ALK: variants seen among roughly 807,000 people sequenced by gnomAD.
The protein encoded by ALK is ALK receptor tyrosine kinase.
In ALK, 74 loss-of-function variants were observed where a neutral mutation model predicts 163.1. The observed-to-expected ratio is 0.45, with a 90% CI of 0.38 to 0.55. The LOEUF (loss-of-function observed/expected upper bound fraction) is 0.55, where lower values mean the gene tolerates loss of function less well. ALK is among the 20% of genes least tolerant of loss of function. ALK has a pLI of 0.00. For synonymous variants in ALK, 960 were observed against 843.2 expected, an observed-to-expected ratio of 1.14 and a Z score of -2.40; for missense variants, 2,063 against 2,105.3, an observed-to-expected ratio of 0.98 and a Z score of 0.39.
intron 5 of ALK, among the ~76,000 whole-genome samples, chr2:29,358,502 A>C (rs561381737): frequency 1.1e-4 from 17 of 152,322 alleles, no homozygotes; most frequent in African/African-American, 3.8e-4. Context: ...GTCTCCAAAT[A>C]AGAACAAAAG....
At chr2:29,883,287 C>G (rs948688906) in intron 1 of ALK, among the ~76,000 whole-genome samples, 2 of 152,208 alleles carry the variant, frequency 1.3e-5, no homozygotes, top group Non-Finnish European at 2.9e-5. Context: ...TGAGGTCTGC[C>G]AGCCATTCCC....
At chr2:29,307,768 G>A (rs1666565138) in intron 8 of ALK, among the ~76,000 whole-genome samples, 1 of 152,220 alleles carries the variant, frequency 6.6e-6, no homozygotes, top group African/African-American at 2.4e-5. Flanking sequence ...CTGGCCAGAT[G>A]CAGATTTTTG....
At chr2:29,832,113 G>C (rs750570056) in intron 1 of ALK, among the ~76,000 whole-genome samples, 1 of 152,164 alleles carries the variant, frequency 6.6e-6, no homozygotes, top group Non-Finnish European at 1.5e-5. Context: ...CGTGGAAATG[G>C]ACAAACAAGA....
intron 5 of ALK, among the ~76,000 whole-genome samples, chr2:29,372,732 C>T (rs1454389623): frequency 6.6e-6 from 1 of 152,224 alleles, no homozygotes; most frequent in African/African-American, 2.4e-5. Context: ...TATCTTCTTT[C>T]CACTGTCCAT....
intron 1 of ALK, among the ~76,000 whole-genome samples, chr2:29,730,958 G>A (rs1431068445): frequency 1.3e-5 from 2 of 152,170 alleles, no homozygotes; most frequent in Non-Finnish European, 2.9e-5. Flanking sequence ...CCAGGGACAT[G>A]TCTACATGAC....
intron 3 of ALK, among the ~76,000 whole-genome samples, chr2:29,610,344 G>A (rs1675657250): frequency 1.3e-5 from 2 of 151,990 alleles, no homozygotes; most frequent in African/African-American, 4.8e-5. Flanking sequence ...ACTCCTTAAT[G>A]TATTGCATAC....
At chr2:29,570,847 C>T (rs2148190085) in intron 3 of ALK, among the ~76,000 whole-genome samples, 1 of 152,338 alleles carries the variant, frequency 6.6e-6, no homozygotes, top group Middle Eastern at 3.4e-3. Context: ...TTTTATTTAC[C>T]TGTTTCTGAG....
At chr2:29,426,694 A>C (rs1477276255) in intron 4 of ALK, among the ~76,000 whole-genome samples, 1 of 152,200 alleles carries the variant, frequency 6.6e-6, no homozygotes, top group African/African-American at 2.4e-5. Context: ...TGTAATTATA[A>C]AAGACTTTTT....
chr2:29,613,235 G>A (rs1319055903), intron 3 of ALK, among the ~76,000 whole-genome samples: 1 of 152,164 alleles, frequency 6.6e-6, no homozygotes, highest in Non-Finnish European at 1.5e-5. Context: ...CCACAAAGAA[G>A]CCGAGAGCTA....
At chr2:29,831,008 A>G (rs752959924) in intron 1 of ALK, among the ~76,000 whole-genome samples, 2,707 of 39,958 alleles carry the variant, frequency 0.068, 150 homozygotes, top group Non-Finnish European at 0.089. Flanking sequence ...AAGAAGAAGA[A>G]GAAGGGGAAG....
chr2:29,602,113 A>T (rs895057076), intron 3 of ALK, among the ~76,000 whole-genome samples: 3 of 152,166 alleles, frequency 2.0e-5, no homozygotes, highest in Admixed American at 6.5e-5. Context: ...AGCAAACTCG[A>T]TATGAATCAT....
At chr2:29,598,215 G>A (rs543464667) in intron 3 of ALK, among the ~76,000 whole-genome samples, 2 of 152,216 alleles carry the variant, frequency 1.3e-5, no homozygotes, top group East Asian at 1.9e-4. Flanking sequence ...TAGTAGAGAC[G>A]AGGTTTCACC....
At chr2:29,651,154 C>T (rs1290323606) in intron 3 of ALK, among the ~76,000 whole-genome samples, 1 of 152,046 alleles carries the variant, frequency 6.6e-6, no homozygotes, top group Non-Finnish European at 1.5e-5. Context: ...TATCTGAGTG[C>T]CACTAAAGAG....
intron 26 of ALK, among the ~76,000 whole-genome samples, chr2:29,204,088 A>G (rs945957916): frequency 1.2e-4 from 19 of 152,082 alleles, no homozygotes; most frequent in African/African-American, 4.3e-4. Context: ...CTGTCATCAA[A>G]TTTTTAAATA....
intron 11 of ALK, among the ~76,000 whole-genome samples, chr2:29,257,766 A>G (rs1664986455): frequency 6.6e-6 from 1 of 152,244 alleles, no homozygotes; most frequent in Non-Finnish European, 1.5e-5. Context: ...GCTGTGGCAT[A>G]CAGAGCCATT....
chr2:29,886,475 C>T (rs1440541596), intron 1 of ALK, among the ~76,000 whole-genome samples: 1 of 152,216 alleles, frequency 6.6e-6, no homozygotes, highest in African/African-American at 2.4e-5. Context: ...CTTTGTTAGC[C>T]CTTTTATAAG....
At chr2:29,711,934 T>A (rs1178908071) in intron 2 of ALK, among the ~76,000 whole-genome samples, 1 of 152,210 alleles carries the variant, frequency 6.6e-6, no homozygotes, top group Non-Finnish European at 1.5e-5. Context: ...ACATGGTCAT[T>A]CATTCTCTTA....
chr2:29,620,120 A>G (rs1369622749), intron 3 of ALK, among the ~76,000 whole-genome samples: 1 of 152,160 alleles, frequency 6.6e-6, no homozygotes, highest in Non-Finnish European at 1.5e-5. Flanking sequence ...AAGTAGGAAA[A>G]ACTTTGTATG....
chr2:29,606,565 T>C (rs373555353), intron 3 of ALK, among the ~76,000 whole-genome samples: 2 of 152,358 alleles, frequency 1.3e-5, no homozygotes, highest in East Asian at 3.9e-4. Flanking sequence ...TGCAGGAAGA[T>C]GAGCTCATCT....
Sources: allele counts gnomAD v4.1 joint callset (sites outside exome capture counted in the v4.1 genomes callset), GRCh38; gene constraint gnomAD v4.1.1; transcripts MANE v1.5; gene names NCBI Gene and HGNC (gene_info 2026-07-23, HGNC 2026-07-21).